The following SFMBT2 variants were observed in gnomAD, a reference collection of about 807,000 sequenced individuals.
The protein encoded by SFMBT2 is scm-like with four MBT domains protein 2.
A neutral mutation model predicts 110.1 loss-of-function variants in SFMBT2; 38 were observed. The ratio of observed to expected loss-of-function variants is 0.35; its 90% CI spans 0.27 to 0.45. The LOEUF is 0.45. Among genes scored for constraint, SFMBT2 ranks in the 20% least tolerant of loss-of-function variants. The probability of loss-of-function intolerance (pLI) is 1.00; values close to 1 mark genes in which losing one functional copy is unlikely to be tolerated. For missense variants in SFMBT2, 1,011 were observed against 1,094.9 expected, an observed-to-expected ratio of 0.92 and a Z score of 1.08; for synonymous variants, 425 against 425.4, an observed-to-expected ratio of 1.00 and a Z score of 0.01.
Position 7,163,607 on chromosome 10 carries a change from C to G in SFMBT2, c.*163G>C. Reference sequence around the variant, plus strand: ...CTGCTGTGCTTTGAAAACATGGAAACAGCTCACAGGCTGGCGGAGGCAGAA... The same window carrying G: ...CTGCTGTGCTTTGAAAACATGGAAAGAGCTCACAGGCTGGCGGAGGCAGAA... On this transcript the variant is annotated 3_prime_UTR_variant, in exon 21 of 21. Coordinates refer to ENST00000397167, the MANE Select transcript of SFMBT2 (RefSeq NM_001387889.1). This position sits in a 1 kb window ranked among gnomAD's most constrained non-coding sequence, Gnocchi z 4.8. 1.6e-6 allele frequency: 1 copy of G among 629,884 alleles called. No individual in the cohort carries two copies. 39.0% of individuals were successfully genotyped at this position (629,884 alleles called of 1,614,324 possible). A position where few individuals can be genotyped will look rare whatever the true frequency, so the allele number is the denominator to read the frequency against.
chr10:7,315,114 G>GAAGGAAAGAAAGAAAGAA (rs1564435713), intron 4 of SFMBT2, among the ~76,000 whole-genome samples: 1 of 116,266 alleles, frequency 8.6e-6, no homozygotes, highest in African/African-American at 3.1e-5. Context: ...GAAAGAAAAA[G>GAAGGAAAGAAAGAAAGAA]CAAGCAAGCA....
chr10:7,205,747 T>C (rs1277074377), intron 12 of SFMBT2, 68 bp downstream of exon 12: 3 of 1,544,310 alleles, frequency 1.9e-6, no homozygotes, highest in East Asian at 2.3e-5. Context: ...AATTTCTTTA[T>C]GAAGCTGCCA....
chr10:7,324,173 C>G (rs1239050557), intron 4 of SFMBT2, among the ~76,000 whole-genome samples: 2 of 152,158 alleles, frequency 1.3e-5, no homozygotes, highest in Admixed American at 1.3e-4. Context: ...GATTTCTGAA[C>G]ACTTTATTTA....
At chr10:7,273,047 G>A (rs962947538) in intron 7 of SFMBT2, among the ~76,000 whole-genome samples, 7 of 152,070 alleles carry the variant, frequency 4.6e-5, no homozygotes, top group African/African-American at 1.4e-4. Flanking sequence ...TGCCCGTCTC[G>A]GCCTCCCAAA....
At chr10:7,305,671 T>G (rs1030933877) in intron 4 of SFMBT2, among the ~76,000 whole-genome samples, 2 of 152,234 alleles carry the variant, frequency 1.3e-5, no homozygotes, top group African/African-American at 4.8e-5. Flanking sequence ...TGGGGCAGCC[T>G]TATCAATACT....
At chr10:7,313,251 T>C (rs1216155141) in intron 4 of SFMBT2, among the ~76,000 whole-genome samples, 1 of 151,852 alleles carries the variant, frequency 6.6e-6, no homozygotes, top group East Asian at 1.9e-4. Flanking sequence ...CTCAATTGTA[T>C]TGTTCTACAA....
intron 20 of SFMBT2, among the ~76,000 whole-genome samples, chr10:7,168,505 G>A (rs761964266): frequency 3.9e-5 from 6 of 152,092 alleles, no homozygotes; most frequent in South Asian, 2.1e-4. Context: ...GGACTGAATC[G>A]GTGTATGTTG....
At chr10:7,214,635 G>A (rs781226733) in intron 11 of SFMBT2, 92 of 985,380 alleles carry the variant, frequency 9.3e-5, no homozygotes, top group Non-Finnish European at 1.1e-4. Context: ...TAGCGGACCT[G>A]CCTTGCACGT....
At position 7,161,954 on chromosome 10, in the gene SFMBT2, G is replaced by A. The variant is rs1837560635; in HGVS notation, c.*1816C>T. The A allele has an allele frequency of 6.6e-6, 1 of 152,204 alleles. No homozygotes were observed. Among genetic ancestry groups the A allele is most frequent in the African/African-American group, 2.4e-5 (1 of 41,436 alleles). 9.4% of individuals were successfully genotyped at this position (152,204 alleles called of 1,614,324 possible). A position where few individuals can be genotyped will look rare whatever the true frequency, so the allele number is the denominator to read the frequency against. On this transcript the variant is annotated 3_prime_UTR_variant, in exon 21 of 21. Transcript: ENST00000397167. The stretch of plus-strand genomic sequence containing the variant: ...GGTGAAAAAGCAGGAAGGGTGAGAA[G>A]CCTCTGCTTCCAGTGTCTGCTTGGG...
intron 4 of SFMBT2, among the ~76,000 whole-genome samples, chr10:7,310,015 T>C (rs1295560338): frequency 6.6e-6 from 1 of 152,178 alleles, no homozygotes. Flanking sequence ...TGTTTAGCAG[T>C]ACCCCGGGTC....
intron 4 of SFMBT2, among the ~76,000 whole-genome samples, chr10:7,350,549 G>A (rs750622431): frequency 2.0e-5 from 3 of 152,086 alleles, no homozygotes; most frequent in Non-Finnish European, 2.9e-5. Flanking sequence ...ACGACAGCTC[G>A]CTACATCTTG....
rs79700210 is a variant in SFMBT2, at chr10:7,309,937, T to C, written c.437-23983A>G. ...AGTCTAGACCAGGGTTTTTTAATAG[T>C]ATCAGCACTATTGACACTCTGGACC... is the stretch of plus-strand genomic sequence containing the variant. On this transcript the variant is annotated intron_variant, in intron 4 of 20. Coordinates refer to ENST00000397167, the MANE Select transcript of SFMBT2 (RefSeq NM_001387889.1). Among the ~76,000 whole-genome samples, 1,093 of 152,240 alleles carry C rather than the reference T, an allele frequency of 7.2e-3. 16 individuals are homozygous for C. Among genetic ancestry groups the C allele is most frequent in the African/African-American group, 0.025 (1,038 of 41,530 alleles).
intron 9 of SFMBT2, among the ~76,000 whole-genome samples, chr10:7,234,063 C>T (rs559620879): frequency 1.2e-4 from 18 of 152,324 alleles, no homozygotes; most frequent in African/African-American, 3.8e-4. Flanking sequence ...AAAACTACAA[C>T]CTCCCTCTTG....
chr10:7,273,537 A>G (rs1299820749), intron 7 of SFMBT2, among the ~76,000 whole-genome samples: 3 of 152,212 alleles, frequency 2.0e-5, no homozygotes, highest in Non-Finnish European at 4.4e-5. Flanking sequence ...GGTTTGTTAC[A>G]TATGTATACA....
intron 4 of SFMBT2, among the ~76,000 whole-genome samples, chr10:7,338,996 T>G (rs768917635): frequency 6.6e-6 from 1 of 152,196 alleles, no homozygotes; most frequent in Non-Finnish European, 1.5e-5. Flanking sequence ...TCCTACCACT[T>G]TGGGAGGCTG....
At chr10:7,284,301 C>T (rs1842027630) in intron 5 of SFMBT2, 151 bp from the exon 6 acceptor site, 2 of 1,439,314 alleles carry the variant, frequency 1.4e-6, no homozygotes, top group Admixed American at 5.6e-5. Flanking sequence ...CTTGCCCAGC[C>T]CATGCCCCAC....
At chr10:7,273,478 T>C (rs1841668543) in intron 7 of SFMBT2, among the ~76,000 whole-genome samples, 1 of 152,200 alleles carries the variant, frequency 6.6e-6, no homozygotes, top group Admixed American at 6.5e-5. Flanking sequence ...TTTTAATGTA[T>C]TTTTTTAAAT....
At chr10:7,315,113 AGC>A (rs1311775979) in intron 4 of SFMBT2, among the ~76,000 whole-genome samples, 2,357 of 124,864 alleles carry the variant, frequency 0.019, 32 homozygotes, top group Non-Finnish European at 0.029. Context: ...AGAAAGAAAA[AGC>A]AAGCAAGCAA....
chr10:7,295,025 T>C (rs1328152747), intron 4 of SFMBT2: 2 of 152,200 alleles, frequency 1.3e-5, no homozygotes, highest in Non-Finnish European at 2.9e-5. Context: ...TTAGCCCACA[T>C]ATCTATGCTT....
Sources: gnomAD v4.1 joint callset for allele counts (sites outside exome capture counted in the v4.1 genomes callset) on GRCh38, gnomAD v4.1.1 for gene constraint, Gnocchi (gnomAD v3.1) non-coding constraint, MANE v1.5 for transcripts, NCBI Gene and HGNC (gene_info 2026-07-23, HGNC 2026-07-21) for gene names.